The following SMC6 variants were observed in gnomAD, a reference collection of about 807,000 sequenced individuals.
SMC6 encodes structural maintenance of chromosomes 6.
Under a neutral mutation model 142.2 loss-of-function variants are expected in SMC6, and 79 were observed. That is an observed-to-expected ratio of 0.56 (90% CI 0.46 to 0.67). SMC6 has a LOEUF of 0.67. SMC6 is among the 30% of genes least tolerant of loss of function. SMC6 has a pLI of 0.00. For missense variants in SMC6, 1,072 were observed against 1,284.0 expected (o/e 0.83, Z 2.52); for synonymous variants, 411 against 412.4 (o/e 1.00, Z 0.04).
At position 17,714,878 on chromosome 2, in the gene SMC6, T is replaced by C. The variant is rs767430165; in HGVS notation, c.1713A>G (p.Ile571Met). 5.6e-6 allele frequency: 9 copies of C among 1,612,844 alleles called. No individual in the cohort carries two copies. The highest frequency in any genetic ancestry group is 5.0e-5 in the Admixed American group (3 of 59,494). ...PIIVSEFRNE[I>M]YDVRHRAAYH... ...TGCCTTACCTGTGTCTTACATCATA[T>C]ATCTCATTCCGAAACTCAGAAACTA... The change falls in exon 16 of 28, where the codon ATA (isoleucine) becomes ATG (methionine). Residue 571 changes from isoleucine (I) to methionine (M), a missense_variant. This residue lies in a region of SMC6 where 994 missense variants were observed against 1,153.2 expected (regional missense o/e 0.86). Coordinates refer to ENST00000448223, the MANE Select transcript of SMC6 (RefSeq NM_001142286.2).
intron 18 of SMC6, among the ~76,000 whole-genome samples, chr2:17,704,954 T>C (rs1004356190): frequency 2.7e-4 from 30 of 110,202 alleles, no homozygotes; most frequent in African/African-American, 1.5e-3. Context: ...ATAGTAATTT[T>C]GCTAAAAAAA....
chr2:17,691,695 G>C (rs548660107), intron 23 of SMC6, among the ~76,000 whole-genome samples: 1 of 152,088 alleles, frequency 6.6e-6, no homozygotes, highest in South Asian at 2.1e-4. Flanking sequence ...ATTCCACATA[G>C]TGTTGGAAGT....
chr2:17,738,547 T>C (rs1040164566), intron 4 of SMC6, among the ~76,000 whole-genome samples: 1 of 152,164 alleles, frequency 6.6e-6, no homozygotes, highest in Non-Finnish European at 1.5e-5. Flanking sequence ...AAATAGTACA[T>C]TTCAGGAATC....
At chr2:17,725,618 G>A (rs1669577768) in intron 8 of SMC6, among the ~76,000 whole-genome samples, 2 of 152,186 alleles carry the variant, frequency 1.3e-5, no homozygotes, top group South Asian at 2.1e-4. Flanking sequence ...TCAGGGTGTG[G>A]TAATAAGCTC....
rs560697631 is a variant in SMC6, at chr2:17,681,503, T to C, written c.2804+2135A>G. On this transcript the variant is annotated intron_variant, in intron 24 of 27. Transcript: ENST00000448223. Reference sequence around the variant, plus strand: ...ATTTCTAGCTTTTGATTTAAAGTGATAGAAATCCTACTCTTCCTTTCACTT... The same window carrying C: ...ATTTCTAGCTTTTGATTTAAAGTGACAGAAATCCTACTCTTCCTTTCACTT... The C allele has an allele frequency of 4.6e-5, 7 of 152,308 alleles. No individual in the cohort carries two copies. The East Asian group carries it at 7.7e-4, about 17-fold the overall frequency. 9.4% of individuals were successfully genotyped at this position (152,308 alleles called of 1,614,324 possible).
chr2:17,703,435 C>G (rs1668362923), intron 18 of SMC6, 143 bp from the exon 19 acceptor site: 2 of 634,268 alleles, frequency 3.2e-6, no homozygotes, highest in Non-Finnish European at 5.0e-6. Flanking sequence ...ATAATCCTAC[C>G]AAGCTATTAA....
chr2:17,692,892 G>A (rs529883401), intron 23 of SMC6, among the ~76,000 whole-genome samples: 92 of 152,238 alleles, frequency 6.0e-4, no homozygotes, highest in Non-Finnish European at 9.0e-4. Context: ...ACAAGTGGGC[G>A]AAGGATATGA....
intron 12 of SMC6, among the ~76,000 whole-genome samples, 163 bp downstream of exon 12, chr2:17,717,914 G>C (rs1008315364): frequency 1.3e-5 from 2 of 148,996 alleles, no homozygotes; most frequent in African/African-American, 5.0e-5. Context: ...GTGCCCAGGA[G>C]ATAAGAGGCT....
chr2:17,672,557 T>C (rs980966366), intron 25 of SMC6, among the ~76,000 whole-genome samples: 3 of 152,230 alleles, frequency 2.0e-5, no homozygotes, highest in African/African-American at 7.2e-5. Flanking sequence ...CCCCAGCATC[T>C]AAGCAAACTA....
chr2:17,751,245 C>T (rs908151344), intron 2 of SMC6, among the ~76,000 whole-genome samples: 1 of 151,878 alleles, frequency 6.6e-6, no homozygotes, highest in Non-Finnish European at 1.5e-5. Context: ...CTTTGGGAGG[C>T]CGAGATGGAT....
At chr2:17,682,332 C>T (rs1222867170) in intron 24 of SMC6, among the ~76,000 whole-genome samples, 1 of 152,268 alleles carries the variant, frequency 6.6e-6, no homozygotes, top group East Asian at 1.9e-4. Flanking sequence ...GAACTGCCTG[C>T]TAGTTCTAGG....
Position 17,741,599 on chromosome 2 carries a change from A to G in SMC6, c.238+13T>C. On this transcript the variant is annotated intron_variant, in intron 4 of 27. Transcript: ENST00000448223. ...ACTGCTCAAAGTCAAACGAGAAGGG[A>G]AAAAACACTTACTTCCATTGTTGCC... 1 of 1,564,802 alleles carries G rather than the reference A, an allele frequency of 6.4e-7. No homozygotes were observed. The highest frequency in any genetic ancestry group is 8.7e-7 in the Non-Finnish European group (1 of 1,143,560).
At chr2:17,746,137 GA>G in intron 2 of SMC6, 186 bp from the exon 3 acceptor site, 1 of 526,864 alleles carries the variant, frequency 1.9e-6, no homozygotes, top group Non-Finnish European at 3.0e-6. Flanking sequence ...AAAAATGCTG[GA>G]AAAGGCAAGG....
chr2:17,690,648 A>C (rs1286742667), intron 23 of SMC6, among the ~76,000 whole-genome samples: 1 of 152,140 alleles, frequency 6.6e-6, no homozygotes, highest in Non-Finnish European at 1.5e-5. Flanking sequence ...TGAATATATT[A>C]TCACAAAATT....
chr2:17,730,910 G>A (rs753717797), intron 7 of SMC6, among the ~76,000 whole-genome samples, 168 bp downstream of exon 7: 5 of 151,858 alleles, frequency 3.3e-5, no homozygotes, highest in East Asian at 1.9e-4. Context: ...CACCATACCC[G>A]GCCGAATTAG....
chr2:17,735,424 T>C (rs1368941596), intron 5 of SMC6, among the ~76,000 whole-genome samples: 1 of 152,224 alleles, frequency 6.6e-6, no homozygotes, highest in Non-Finnish European at 1.5e-5. Context: ...AAAAAGATGA[T>C]ACAACTGCTC....
intron 2 of SMC6, among the ~76,000 whole-genome samples, chr2:17,750,699 T>TA (rs1173082898): frequency 2.0e-5 from 3 of 151,944 alleles, no homozygotes; most frequent in East Asian, 3.9e-4. Context: ...TCATTAAACT[T>TA]AAAAAAAAGA....
At chr2:17,745,742 G>T in intron 3 of SMC6, 85 bp downstream of exon 3, 1 of 1,368,142 alleles carries the variant, frequency 7.3e-7, no homozygotes, top group South Asian at 1.6e-5. Context: ...ACTTTTTCTT[G>T]ATTTTAAGTT....
chr2:17,738,454 T>C (rs2125064103), intron 4 of SMC6, 128 bp from the exon 5 acceptor site: 1 of 561,154 alleles, frequency 1.8e-6, no homozygotes, highest in African/African-American at 1.9e-5. Flanking sequence ...AATTCAACTC[T>C]AATTTTCTTC....
Sources: allele counts gnomAD v4.1 joint callset (sites outside exome capture counted in the v4.1 genomes callset), GRCh38; gene constraint gnomAD v4.1.1; regional missense constraint gnomAD v4.1.1; transcripts MANE v1.5; gene names NCBI Gene and HGNC (gene_info 2026-07-23, HGNC 2026-07-21).